Variants in OLA1 observed in about 807,000 individuals in gnomAD.
OLA1 encodes obg-like ATPase 1.
Under a neutral mutation model 48.4 loss-of-function variants are expected in OLA1, and 14 were observed. That is an observed-to-expected ratio of 0.29 (90% CI 0.19 to 0.45). OLA1 has a LOEUF of 0.45. OLA1 is among the 20% of genes least tolerant of loss of function. The pLI is 1.00. For synonymous variants in OLA1, 127 were observed against 150.4 expected, an observed-to-expected ratio of 0.84 and a Z score of 1.14; for missense variants, 325 against 467.1, an observed-to-expected ratio of 0.70 and a Z score of 2.80.
chr2:174,134,483 A>T (rs544309316), intron 5 of OLA1, among the ~76,000 whole-genome samples: 1 of 152,252 alleles, frequency 6.6e-6, no homozygotes, highest in African/African-American at 2.4e-5. Flanking sequence ...TTTGTCTTTT[A>T]TTGCAGTATT....
chr2:174,231,855 T>C (rs916151379), intron 2 of OLA1, among the ~76,000 whole-genome samples: 1 of 152,236 alleles, frequency 6.6e-6, no homozygotes, highest in African/African-American at 2.4e-5. Context: ...GACATTTTGA[T>C]CTATTCAAAT....
chr2:174,163,762 ATATATATATAT>A (rs1687085946), intron 4 of OLA1, among the ~76,000 whole-genome samples: 1 of 30,228 alleles, frequency 3.3e-5, no homozygotes, highest in Non-Finnish European at 6.5e-5. Context: ...ATATATATAT[ATATATATATAT>A]ATAAATAAAT....
intron 1 of OLA1, chr2:174,248,249 C>G (rs1449613276): frequency 6.4e-6 from 1 of 156,222 alleles, no homozygotes; most frequent in Non-Finnish European, 1.4e-5. Context: ...TTCCCCAGGG[C>G]TTTCCCGCGT....
chr2:174,147,293 G>A (rs1053273345), intron 4 of OLA1, among the ~76,000 whole-genome samples: 5 of 152,084 alleles, frequency 3.3e-5, no homozygotes, highest in African/African-American at 1.2e-4. Flanking sequence ...GGGCATGGTG[G>A]TGCATGCCTG....
intron 4 of OLA1, among the ~76,000 whole-genome samples, chr2:174,161,117 C>T (rs1353936698): frequency 6.6e-6 from 1 of 152,160 alleles, no homozygotes; most frequent in Admixed American, 6.5e-5. Context: ...AATAAGATTT[C>T]CATTTCTTCA....
At chr2:174,209,303 T>C (rs767493698) in intron 4 of OLA1, among the ~76,000 whole-genome samples, 4 of 152,186 alleles carry the variant, frequency 2.6e-5, no homozygotes, top group Non-Finnish European at 5.9e-5. Flanking sequence ...CTGATATCTA[T>C]ATAACCTGAC....
intron 2 of OLA1, among the ~76,000 whole-genome samples, chr2:174,233,329 T>C (rs768173242): frequency 2.6e-5 from 4 of 152,138 alleles, no homozygotes; most frequent in Admixed American, 6.6e-5. Flanking sequence ...GTTAACACAA[T>C]TGAACTGCAC....
intron 10 of OLA1, 46 bp downstream of exon 10, chr2:174,078,922 A>G: frequency 6.4e-7 from 1 of 1,560,612 alleles, no homozygotes; most frequent in South Asian, 1.2e-5. Context: ...CTAACTTCGC[A>G]TCAGTGGAAA....
intron 4 of OLA1, among the ~76,000 whole-genome samples, chr2:174,144,954 ATATATATAT>A (rs1686557046): frequency 3.4e-5 from 2 of 58,908 alleles, no homozygotes; most frequent in Non-Finnish European, 6.7e-5. Flanking sequence ...AAAAAAAAAT[ATATATATAT>A]ATATATATAT....
chr2:174,168,171 C>G (rs1687210917), intron 4 of OLA1, among the ~76,000 whole-genome samples: 1 of 152,022 alleles, frequency 6.6e-6, no homozygotes, highest in African/African-American at 2.4e-5. Flanking sequence ...AGCAGAAAAC[C>G]AAAGCTAGGG....
intron 7 of OLA1, among the ~76,000 whole-genome samples, chr2:174,101,226 C>G (rs1440320400): frequency 1.3e-5 from 2 of 152,194 alleles, no homozygotes; most frequent in African/African-American, 4.8e-5. Flanking sequence ...AGTATGAAAT[C>G]ATATTCAATT....
At chr2:174,156,575 A>G (rs1476531739) in intron 4 of OLA1, among the ~76,000 whole-genome samples, 2 of 109,094 alleles carry the variant, frequency 1.8e-5, no homozygotes, top group Non-Finnish European at 3.7e-5. Context: ...TTGCTCCCAC[A>G]CTCTTTTTTT....
intron 7 of OLA1, among the ~76,000 whole-genome samples, chr2:174,083,652 T>C (rs16823295): frequency 0.021 from 3,126 of 152,224 alleles, 107 homozygotes; most frequent in African/African-American, 0.07. Flanking sequence ...TATTCTAAGT[T>C]ACTTCACAGA....
chr2:174,195,438 T>C (rs1284107180), intron 4 of OLA1, among the ~76,000 whole-genome samples: 1 of 152,186 alleles, frequency 6.6e-6, no homozygotes, highest in East Asian at 1.9e-4. Flanking sequence ...ACTCATGCTG[T>C]CTGAAAGGCC....
chr2:174,133,545 G>C (rs1195879476), intron 5 of OLA1, among the ~76,000 whole-genome samples: 3 of 152,184 alleles, frequency 2.0e-5, no homozygotes, highest in African/African-American at 7.2e-5. Flanking sequence ...ATTTTTAGTA[G>C]AGACAGGGTT....
At chr2:174,152,378 G>A (rs1195827841) in intron 4 of OLA1, among the ~76,000 whole-genome samples, 1 of 152,052 alleles carries the variant, frequency 6.6e-6, no homozygotes, top group Non-Finnish European at 1.5e-5. Context: ...ACTCCAGCCT[G>A]GGTGACAGAG....
chr2:174,108,972 G>T (rs1040120261), intron 7 of OLA1, among the ~76,000 whole-genome samples: 11 of 152,102 alleles, frequency 7.2e-5, no homozygotes, highest in African/African-American at 2.7e-4. Context: ...TGTGCCACAC[G>T]TGTTTGTCAA....
intron 10 of OLA1, among the ~76,000 whole-genome samples, chr2:174,076,212 A>G (rs1254160573): frequency 1.3e-5 from 2 of 152,206 alleles, no homozygotes; most frequent in African/African-American, 2.4e-5. Flanking sequence ...ACCTGCTGGT[A>G]TGCAGATCCA....
At chr2:174,170,406 T>A (rs545554719) in intron 4 of OLA1, among the ~76,000 whole-genome samples, 9 of 152,086 alleles carry the variant, frequency 5.9e-5, no homozygotes, top group Non-Finnish European at 1.3e-4. Flanking sequence ...TCCTAACAGA[T>A]ATTCAAATAA....
Sources: allele counts gnomAD v4.1 joint callset (sites outside exome capture counted in the v4.1 genomes callset), GRCh38; gene constraint gnomAD v4.1.1; transcripts MANE v1.5; gene names NCBI Gene and HGNC (gene_info 2026-07-23, HGNC 2026-07-21).